Variants in NOS1AP observed in about 807,000 individuals in gnomAD.
The protein encoded by NOS1AP is nitric oxide synthase 1 adaptor protein, also known as carboxyl-terminal PDZ ligand of neuronal nitric oxide synthase protein.
In NOS1AP, 21 loss-of-function variants were observed where a neutral mutation model predicts 56.2. The observed-to-expected ratio is 0.37, with a 90% CI of 0.26 to 0.54. The LOEUF is 0.54. Ranked by LOEUF, NOS1AP falls within the 20% of genes least tolerant of loss-of-function variation. The pLI is 0.84. For synonymous variants in NOS1AP, 270 were observed against 274.6 expected, an observed-to-expected ratio of 0.98 and a Z score of 0.17; for missense variants, 522 against 657.8, an observed-to-expected ratio of 0.79 and a Z score of 2.26.
chr1:162,329,957 T>A (rs1337800537), intron 4 of NOS1AP, among the ~76,000 whole-genome samples: 1 of 152,232 alleles, frequency 6.6e-6, no homozygotes, highest in Non-Finnish European at 1.5e-5. Flanking sequence ...AGTGGCTGCA[T>A]CCATGTACAG....
intron 2 of NOS1AP, among the ~76,000 whole-genome samples, chr1:162,183,817 T>G (rs915654477): frequency 2.0e-5 from 3 of 152,270 alleles, no homozygotes; most frequent in African/African-American, 7.2e-5. Context: ...GTGGCTGGTT[T>G]GATTTGTCTA....
intron 5 of NOS1AP, among the ~76,000 whole-genome samples, chr1:162,343,133 T>G (rs1309379854): frequency 6.6e-6 from 1 of 152,224 alleles, no homozygotes; most frequent in Non-Finnish European, 1.5e-5. Context: ...CAGGCTTCTT[T>G]GTCCTCTCTC....
chr1:162,247,938 C>T (rs1165521290), intron 2 of NOS1AP, among the ~76,000 whole-genome samples: 2 of 152,144 alleles, frequency 1.3e-5, no homozygotes, highest in African/African-American at 4.8e-5. Context: ...ACTTTTCAAA[C>T]AGAGCTGGAT....
chr1:162,297,388 A>G (rs894268783), intron 3 of NOS1AP, among the ~76,000 whole-genome samples: 1 of 152,228 alleles, frequency 6.6e-6, no homozygotes, highest in Non-Finnish European at 1.5e-5. Flanking sequence ...CACCGCAGCC[A>G]CTTCCTGAGT....
intron 2 of NOS1AP, among the ~76,000 whole-genome samples, chr1:162,205,040 T>A (rs529891681): frequency 1.1e-4 from 16 of 152,354 alleles, no homozygotes; most frequent in African/African-American, 3.4e-4. Context: ...TTTGTAATAC[T>A]TCATTTAGCA....
chr1:162,241,743 A>T (rs936941088), intron 2 of NOS1AP, among the ~76,000 whole-genome samples: 1 of 152,146 alleles, frequency 6.6e-6, no homozygotes, highest in Non-Finnish European at 1.5e-5. Flanking sequence ...GTCTCCAAGG[A>T]TTGACTCAGC....
At chr1:162,319,101 G>A (rs1358418827) in intron 4 of NOS1AP, among the ~76,000 whole-genome samples, 1 of 152,134 alleles carries the variant, frequency 6.6e-6, no homozygotes, top group Non-Finnish European at 1.5e-5. Context: ...GTCATTCAGG[G>A]CCCTGAGCCC....
chr1:162,334,112 A>G (rs1656862427), intron 5 of NOS1AP, among the ~76,000 whole-genome samples: 2 of 152,166 alleles, frequency 1.3e-5, no homozygotes, highest in South Asian at 4.1e-4. Flanking sequence ...CTTGTCAAGT[A>G]CCTTGTCAAT....
At chr1:162,104,106 T>C (rs942394295) in intron 1 of NOS1AP, among the ~76,000 whole-genome samples, 1 of 152,246 alleles carries the variant, frequency 6.6e-6, no homozygotes, top group Admixed American at 6.5e-5. Context: ...GGTCTGTTGG[T>C]GACAAATTCC....
intron 1 of NOS1AP, among the ~76,000 whole-genome samples, chr1:162,132,797 A>G (rs1437402075): frequency 6.6e-6 from 1 of 151,982 alleles, no homozygotes; most frequent in Non-Finnish European, 1.5e-5. Flanking sequence ...CAGGTTCCAC[A>G]CTCCTTCAGT....
intron 1 of NOS1AP, among the ~76,000 whole-genome samples, chr1:162,094,346 G>A (rs1162957301): frequency 6.6e-6 from 1 of 152,132 alleles, no homozygotes; most frequent in African/African-American, 2.4e-5. Context: ...GGTAGGGAGA[G>A]TGATATTTGC....
intron 2 of NOS1AP, among the ~76,000 whole-genome samples, chr1:162,258,921 C>T (rs900352495): frequency 2.0e-5 from 3 of 152,054 alleles, no homozygotes; most frequent in Admixed American, 6.5e-5. Context: ...GGTGGGATGA[C>T]GTCTGGTTGG....
At chr1:162,298,650 A>T (rs1655546865) in intron 3 of NOS1AP, among the ~76,000 whole-genome samples, 1 of 152,252 alleles carries the variant, frequency 6.6e-6, no homozygotes, top group South Asian at 2.1e-4. Flanking sequence ...CTTCAGTTGA[A>T]AATCACTCAC....
chr1:162,304,389 C>A (rs930460806), intron 4 of NOS1AP, among the ~76,000 whole-genome samples: 1 of 152,190 alleles, frequency 6.6e-6, no homozygotes, highest in African/African-American at 2.4e-5. Flanking sequence ...ACACTAGTAC[C>A]ACACTGTCTT....
chr1:162,099,212 G>C (rs932746199), intron 1 of NOS1AP, among the ~76,000 whole-genome samples: 2 of 140,148 alleles, frequency 1.4e-5, no homozygotes, highest in Non-Finnish European at 3.1e-5. Flanking sequence ...TTTTTTTTGA[G>C]ATGGAGTCTC....
intron 1 of NOS1AP, among the ~76,000 whole-genome samples, chr1:162,143,250 C>T (rs1185613070): frequency 1.3e-5 from 2 of 152,074 alleles, no homozygotes; most frequent in African/African-American, 4.8e-5. Flanking sequence ...CTTCACTCCT[C>T]TTTGATTCTG....
chr1:162,218,848 T>C (rs1180599152), intron 2 of NOS1AP, among the ~76,000 whole-genome samples: 1 of 152,106 alleles, frequency 6.6e-6, no homozygotes, highest in Non-Finnish European at 1.5e-5. Context: ...TACTACGGCT[T>C]CCACCCTGCT....
At position 162,090,363 on chromosome 1, in the gene NOS1AP, C is replaced by A. The variant is rs1692104715; in HGVS notation, c.105+20081C>A. On this transcript the variant is annotated intron_variant, in intron 1 of 9. Coordinates refer to ENST00000361897, the MANE Select transcript of NOS1AP (RefSeq NM_014697.3). ...TAAAATTAGATGCTGCCTAAATTAT[C>A]TTTTGTAAAAAAAAAAAAAGTCTGA... 4.1e-5 allele frequency among the ~76,000 whole-genome samples: 4 copies of A among 98,168 alleles called. No homozygotes were observed. The South Asian group carries it at 7.8e-4, about 19-fold the overall frequency. 64.4% of individuals were successfully genotyped at this position (98,168 alleles called of 152,430 possible). A position where few individuals can be genotyped will look rare whatever the true frequency, so the allele number is the denominator to read the frequency against.
Position 162,231,409 on chromosome 1 carries a change from A to G in NOS1AP, c.178-55935A>G, listed in dbSNP as rs115269249. On this transcript the variant is annotated intron_variant, in intron 2 of 9. Coordinates refer to ENST00000361897, the MANE Select transcript of NOS1AP (RefSeq NM_014697.3). ...CCCTTTATCAGATACATGATTTGGA[A>G]ACATTTTCTTCTGTTCAGTGTGATG... Among the ~76,000 whole-genome samples, 942 of 152,268 alleles carry G rather than the reference A, an allele frequency of 6.2e-3. 12 individuals are homozygous for G. Among genetic ancestry groups the G allele is most frequent in the African/African-American group, 0.02 (848 of 41,556 alleles).
Sources: allele counts gnomAD v4.1 joint callset (sites outside exome capture counted in the v4.1 genomes callset), GRCh38; gene constraint gnomAD v4.1.1; transcripts MANE v1.5; gene names NCBI Gene and HGNC (gene_info 2026-07-23, HGNC 2026-07-21).